Variants in PTPRE observed in about 807,000 individuals in gnomAD.
PTPRE encodes the protein protein tyrosine phosphatase receptor type E.
PTPRE carries 51 observed loss-of-function variants against 102.0 expected under a neutral mutation model. The ratio of observed to expected loss-of-function variants is 0.50; its 90% CI spans 0.40 to 0.63. The LOEUF is 0.63. Among genes scored for constraint, PTPRE ranks in the 30% least tolerant of loss-of-function variants. The pLI is 0.00. For synonymous variants in PTPRE, 345 were observed against 348.2 expected (o/e 0.99, Z 0.10); for missense variants, 752 against 915.1 (o/e 0.82, Z 2.30).
At chr10:127,982,381 C>T (rs1314702589) in intron 2 of PTPRE, 85 bp downstream of exon 2, 13 of 944,330 alleles carry the variant, frequency 1.4e-5, no homozygotes, top group Non-Finnish European at 1.8e-5. Flanking sequence ...ATTAGAAGAG[C>T]ATTGTTTTCT....
At chr10:127,999,211 C>T (rs1325160598) in intron 2 of PTPRE, 1 of 152,150 alleles carries the variant, frequency 6.6e-6, no homozygotes, top group East Asian at 1.9e-4. Flanking sequence ...AGGTAAATCT[C>T]ATGTTAAATG....
chr10:127,952,363 C>T (rs1412081053), intron 1 of PTPRE, among the ~76,000 whole-genome samples: 1 of 151,036 alleles, frequency 6.6e-6, no homozygotes, highest in African/African-American at 2.4e-5. Flanking sequence ...TTGCCCTCAC[C>T]CAAACCAAAA....
At chr10:127,956,070 C>T (rs1014843077) in intron 1 of PTPRE, among the ~76,000 whole-genome samples, 11 of 152,120 alleles carry the variant, frequency 7.2e-5, no homozygotes, top group East Asian at 3.9e-4. Context: ...TTTGGTTGTA[C>T]GCAGGATAGC....
intron 2 of PTPRE, among the ~76,000 whole-genome samples, chr10:128,007,130 G>A (rs1459896004): frequency 6.6e-6 from 1 of 151,882 alleles, no homozygotes; most frequent in Non-Finnish European, 1.5e-5. Flanking sequence ...CCAAGCAAGG[G>A]GTTCTCTCTC....
intron 3 of PTPRE, 64 bp from the exon 4 acceptor site, chr10:128,047,326 G>A (rs77590516): frequency 1.6e-5 from 25 of 1,568,552 alleles, no homozygotes; most frequent in Non-Finnish European, 2.2e-5. Flanking sequence ...GGCTTATGGA[G>A]GGAGACTCTT....
chr10:127,916,800 C>G (rs776327293), intron 1 of PTPRE, among the ~76,000 whole-genome samples: 3 of 152,168 alleles, frequency 2.0e-5, no homozygotes, highest in Non-Finnish European at 2.9e-5. Flanking sequence ...CTTACCGTGT[C>G]TTAAATTATG....
At chr10:128,052,252 C>T (rs1463620731) in intron 6 of PTPRE, among the ~76,000 whole-genome samples, 4 of 152,164 alleles carry the variant, frequency 2.6e-5, no homozygotes, top group African/African-American at 9.7e-5. Flanking sequence ...ATCTGAGCTC[C>T]TCTCCCCAAA....
At chr10:128,013,897 T>G (rs78948656) in intron 2 of PTPRE, among the ~76,000 whole-genome samples, 2,904 of 151,876 alleles carry the variant, frequency 0.019, 54 homozygotes, top group South Asian at 0.085. Flanking sequence ...GGCAGGGCTG[T>G]GTTTGTTGTG....
Position 127,944,962 on chromosome 10 carries a change from G to A in PTPRE, c.-30-37312G>A, listed in dbSNP as rs764366900. Reference sequence around the variant, plus strand: ...ACCCCCAGTGGGCTGGACAGCTGGGGGGATGGTGGCACCTTCTATCAAAAT... The same window carrying A: ...ACCCCCAGTGGGCTGGACAGCTGGGAGGATGGTGGCACCTTCTATCAAAAT... On this transcript the variant is annotated intron_variant, in intron 1 of 20. Coordinates refer to ENST00000254667, the MANE Select transcript of PTPRE (RefSeq NM_006504.6). This position sits in a 1 kb window ranked among gnomAD's most constrained non-coding sequence, Gnocchi z 4.2. 1.3e-5 allele frequency among the ~76,000 whole-genome samples: 2 copies of A among 152,192 alleles called. No homozygotes were observed. Among genetic ancestry groups the A allele is most frequent in the Non-Finnish European group, 2.9e-5 (2 of 68,026 alleles).
intron 2 of PTPRE, among the ~76,000 whole-genome samples, chr10:127,984,658 C>T (rs542765595): frequency 2.6e-5 from 4 of 152,246 alleles, no homozygotes; most frequent in East Asian, 1.9e-4. Flanking sequence ...ATCATGGGGG[C>T]GGTTCCCCCA....
chr10:127,995,624 G>A (rs1003730652), intron 2 of PTPRE, among the ~76,000 whole-genome samples: 6 of 152,154 alleles, frequency 3.9e-5, no homozygotes, highest in African/African-American at 7.2e-5. Flanking sequence ...TTTAAACACC[G>A]ATATGAAAAC....
intron 3 of PTPRE, among the ~76,000 whole-genome samples, chr10:128,043,147 G>A (rs907186164): frequency 6.6e-6 from 1 of 152,098 alleles, no homozygotes; most frequent in Non-Finnish European, 1.5e-5. Context: ...GTGGGGGGTG[G>A]TTTGGGGATG....
chr10:128,007,007 G>C (rs972303077), intron 2 of PTPRE, among the ~76,000 whole-genome samples: 7 of 152,158 alleles, frequency 4.6e-5, no homozygotes, highest in African/African-American at 1.4e-4. Context: ...AAGCACAATT[G>C]AATAAACTCA....
intron 2 of PTPRE, among the ~76,000 whole-genome samples, chr10:127,995,980 C>G (rs1853223789): frequency 1.3e-5 from 2 of 152,208 alleles, no homozygotes; most frequent in Non-Finnish European, 2.9e-5. Flanking sequence ...AGCCTACATG[C>G]TGCTGTCTTA....
intron 1 of PTPRE, chr10:127,934,024 G>GCGCA (rs1357914217): frequency 8.4e-4 from 69 of 82,344 alleles, no homozygotes; most frequent in African/African-American, 2.8e-3. Flanking sequence ...CACCCCCCGC[G>GCGCA]CACACACACA....
chr10:127,923,660 C>T (rs1846788377), intron 1 of PTPRE, among the ~76,000 whole-genome samples: 1 of 152,216 alleles, frequency 6.6e-6, no homozygotes, highest in South Asian at 2.1e-4. Context: ...CCTCAGCCTC[C>T]CAAAGTTTTG....
intron 20 of PTPRE, among the ~76,000 whole-genome samples, chr10:128,080,340 C>T (rs1851587462): frequency 6.6e-6 from 1 of 152,240 alleles, no homozygotes; most frequent in African/African-American, 2.4e-5. Flanking sequence ...TCCCACTTCG[C>T]ACCTGTCCTC....
rs920536173 is a variant in PTPRE, at chr10:128,028,877, G to A, written c.-7-11998G>A. On this transcript the variant is annotated intron_variant, in intron 2 of 20. Transcript: ENST00000254667. The surrounding 1 kb of genome is among the most constrained non-coding windows in gnomAD (Gnocchi z 4.5). Reference sequence around the variant, plus strand: ...ACCCCAGACGTCTGGCCCTCGTCCCGAATGCTGTCCCCTCTGGCCTCAGCT... The same window carrying A: ...ACCCCAGACGTCTGGCCCTCGTCCCAAATGCTGTCCCCTCTGGCCTCAGCT... 9.2e-5 allele frequency among the ~76,000 whole-genome samples: 14 copies of A among 152,096 alleles called. No homozygotes were observed. The highest frequency in any genetic ancestry group is 2.4e-4 in the African/African-American group (10 of 41,416).
At position 127,944,358 on chromosome 10, in the gene PTPRE, T is replaced by C. The variant is rs1848460766; in HGVS notation, c.-31+37049T>C. ...AATGGTGGGTGGGTGGATGGATGGATGGACGATGGACAGATGGATGGATAT... is the reference window on the plus strand; with the variant it reads ...AATGGTGGGTGGGTGGATGGATGGACGGACGATGGACAGATGGATGGATAT... On this transcript the variant is annotated intron_variant, in intron 1 of 20. Coordinates refer to ENST00000254667, the MANE Select transcript of PTPRE (RefSeq NM_006504.6). This position sits in a 1 kb window ranked among gnomAD's most constrained non-coding sequence, Gnocchi z 4.2. 6.6e-6 allele frequency among the ~76,000 whole-genome samples: 1 copy of C among 152,114 alleles called. No homozygotes were observed. Among genetic ancestry groups the C allele is most frequent in the Admixed American group, 6.5e-5 (1 of 15,268 alleles).
Sources: gnomAD v4.1 joint callset for allele counts (sites outside exome capture counted in the v4.1 genomes callset) on GRCh38, gnomAD v4.1.1 for gene constraint, Gnocchi (gnomAD v3.1) non-coding constraint, MANE v1.5 for transcripts, NCBI Gene and HGNC (gene_info 2026-07-23, HGNC 2026-07-21) for gene names.